Variants in CDC42BPA observed in about 807,000 individuals in gnomAD.
CDC42BPA encodes the protein serine/threonine-protein kinase MRCK alpha.
CDC42BPA carries 80 observed loss-of-function variants against 223.5 expected under a neutral mutation model. That is an observed-to-expected ratio of 0.36 (90% CI 0.30 to 0.43). The LOEUF (loss-of-function observed/expected upper bound fraction) is 0.43. CDC42BPA is among the 20% of genes least tolerant of loss of function. CDC42BPA has a pLI of 1.00. For synonymous variants in CDC42BPA, 694 were observed against 718.6 expected, an observed-to-expected ratio of 0.97 and a Z score of 0.55; for missense variants, 1,743 against 2,099.9, an observed-to-expected ratio of 0.83 and a Z score of 3.32.
chr1:227,132,392 C>T (rs982089265), intron 10 of CDC42BPA, among the ~76,000 whole-genome samples: 1 of 151,570 alleles, frequency 6.6e-6, no homozygotes, highest in Non-Finnish European at 1.5e-5. Flanking sequence ...CTCGGCCTCC[C>T]GAGGTGCCGG....
At chr1:227,172,635 A>C (rs1666288913) in intron 5 of CDC42BPA, among the ~76,000 whole-genome samples, 1 of 152,138 alleles carries the variant, frequency 6.6e-6, no homozygotes, top group Non-Finnish European at 1.5e-5. Flanking sequence ...GACGGAAGGA[A>C]GAAGTCCTAC....
At chr1:227,291,568 A>G in intron 1 of CDC42BPA, among the ~76,000 whole-genome samples, 1 of 132,208 alleles carries the variant, frequency 7.6e-6, no homozygotes, top group South Asian at 2.4e-4. Flanking sequence ...AAACAAAAAC[A>G]AACAAAAAAA....
At chr1:227,313,459 G>A (rs12407020) in intron 1 of CDC42BPA, among the ~76,000 whole-genome samples, 46,792 of 151,966 alleles carry the variant, frequency 0.31, 7,385 homozygotes, top group East Asian at 0.37. Flanking sequence ...CCATGTGCCA[G>A]CATTGTACTA....
At chr1:227,196,638 C>T (rs937459877) in intron 4 of CDC42BPA, among the ~76,000 whole-genome samples, 47 of 152,038 alleles carry the variant, frequency 3.1e-4, no homozygotes, top group African/African-American at 1.1e-3. Context: ...CGTGCCCGGC[C>T]CTAAACAATA....
At chr1:227,258,566 C>G (rs372736235) in intron 1 of CDC42BPA, among the ~76,000 whole-genome samples, 1 of 150,966 alleles carries the variant, frequency 6.6e-6, no homozygotes, top group Admixed American at 6.6e-5. Flanking sequence ...TTACTGAGCA[C>G]TCCATTCATA....
At position 227,222,237 on chromosome 1, in the gene CDC42BPA, G is replaced by A. The variant is rs111420426; in HGVS notation, c.271-9018C>T. On this transcript the variant is annotated intron_variant, in intron 2 of 36. Transcript: ENST00000366766. The stretch of plus-strand genomic sequence containing the variant: ...TGTCTTTAAAAAAATAGCTGGGCAC[G>A]GTGGCTCATGCCTGTAATCCCAGCA... Among the ~76,000 whole-genome samples the A allele has an allele frequency of 4.3e-3, 653 of 150,140 alleles. 3 individuals are homozygous for A. The highest frequency in any genetic ancestry group is 7.0e-3 in the Non-Finnish European group (471 of 67,560).
chr1:227,072,219 C>A lies in CDC42BPA; in HGVS notation c.2816G>T (p.Arg939Ile). The A allele has an allele frequency of 6.3e-7, 1 of 1,596,450 alleles. No homozygotes were observed. The highest frequency in any genetic ancestry group is 1.1e-5 in the South Asian group (1 of 90,198). The change falls in exon 20 of 37, where the codon AGA becomes ATA. Residue 939 changes from arginine (R) to isoleucine (I), a missense_variant. Coordinates refer to ENST00000366766, the MANE Select transcript of CDC42BPA (RefSeq NM_001394014.1). Reference sequence around the variant, plus strand: ...ACACACTCCCATACCCTTTTCAGATCTAAGCTCTTCAGTGTCCTTTATCAG... The same window carrying A: ...ACACACTCCCATACCCTTTTCAGATATAAGCTCTTCAGTGTCCTTTATCAG... ...EQLIKDTEEL[R>I]SEKGIEHQDS... is the part of the protein sequence containing the mutation.
intron 27 of CDC42BPA, among the ~76,000 whole-genome samples, chr1:227,032,555 G>T (rs1669477438): frequency 6.6e-6 from 1 of 152,088 alleles, no homozygotes; most frequent in African/African-American, 2.4e-5. Context: ...TTCTCATCAA[G>T]AGGTGGAGTC....
intron 1 of CDC42BPA, among the ~76,000 whole-genome samples, chr1:227,312,258 T>C (rs998602771): frequency 6.6e-6 from 1 of 152,174 alleles, no homozygotes; most frequent in African/African-American, 2.4e-5. Context: ...TGTCAATAAA[T>C]GTACCAAATG....
At chr1:227,234,447 C>G (rs1437906975) in intron 2 of CDC42BPA, 2 of 152,212 alleles carry the variant, frequency 1.3e-5, no homozygotes, top group Non-Finnish European at 2.9e-5. Flanking sequence ...TCCTGAACAT[C>G]TGGGGCCATG....
chr1:227,044,416 T>C (rs1671991891), intron 23 of CDC42BPA, among the ~76,000 whole-genome samples: 1 of 145,032 alleles, frequency 6.9e-6, no homozygotes, highest in Non-Finnish European at 1.5e-5. Flanking sequence ...AAAATTTTTC[T>C]ACATTTTCTG....
At chr1:227,059,256 G>T in intron 21 of CDC42BPA, 1 of 800,534 alleles carries the variant, frequency 1.2e-6, no homozygotes, top group Non-Finnish European at 2.1e-6. Context: ...CACAAAGCAT[G>T]CAATAGATGT....
chr1:227,093,080 T>C (rs1452211908), intron 15 of CDC42BPA, among the ~76,000 whole-genome samples: 1 of 152,202 alleles, frequency 6.6e-6, no homozygotes, highest in Non-Finnish European at 1.5e-5. Context: ...CTGAGAAACA[T>C]GTGTTGCATT....
At chr1:227,210,117 A>G (rs1673606485) in intron 3 of CDC42BPA, among the ~76,000 whole-genome samples, 1 of 152,074 alleles carries the variant, frequency 6.6e-6, no homozygotes, top group South Asian at 2.1e-4. Flanking sequence ...AATCCAGTCT[A>G]TCGTTGTTGG....
At chr1:227,075,322 T>C (rs1679234725) in intron 17 of CDC42BPA, among the ~76,000 whole-genome samples, 2 of 152,212 alleles carry the variant, frequency 1.3e-5, no homozygotes, top group African/African-American at 4.8e-5. Context: ...ATGTATCCGA[T>C]GCATACAGCA....
intron 6 of CDC42BPA, among the ~76,000 whole-genome samples, chr1:227,154,462 T>C (rs753084328): frequency 1.3e-5 from 2 of 151,968 alleles, no homozygotes; most frequent in Non-Finnish European, 2.9e-5. Flanking sequence ...CATGATTTAT[T>C]ATATGAAAAA....
At chr1:227,072,097 T>C (rs1227254979) in intron 20 of CDC42BPA, 111 bp downstream of exon 20, 5 of 609,816 alleles carry the variant, frequency 8.2e-6, no homozygotes, top group Non-Finnish European at 1.2e-5. Flanking sequence ...AGTGCCAGAA[T>C]TGCTTATGTC....
chr1:227,310,058 C>T (rs1313313563), intron 1 of CDC42BPA, among the ~76,000 whole-genome samples: 1 of 152,174 alleles, frequency 6.6e-6, no homozygotes, highest in Non-Finnish European at 1.5e-5. Context: ...AAATTTCTTT[C>T]TAACCCTGCT....
chr1:227,152,999 A>C (rs1420339225), intron 6 of CDC42BPA, among the ~76,000 whole-genome samples: 1 of 151,968 alleles, frequency 6.6e-6, no homozygotes, highest in African/African-American at 2.4e-5. Flanking sequence ...ATATAAAAGA[A>C]AATACCCTGG....
Sources: gnomAD v4.1 joint callset for allele counts (sites outside exome capture counted in the v4.1 genomes callset) on GRCh38, gnomAD v4.1.1 for gene constraint, MANE v1.5 for transcripts, NCBI Gene and HGNC (gene_info 2026-07-23, HGNC 2026-07-21) for gene names.